The following NAMPT variants were observed in gnomAD, a reference collection of about 807,000 sequenced individuals.
NAMPT encodes nicotinamide phosphoribosyltransferase, also known as NAmPRTase.
NAMPT carries 7 observed loss-of-function variants against 58.7 expected under a neutral mutation model. That is an observed-to-expected ratio of 0.12 (90% CI 0.07 to 0.22). The LOEUF is 0.22. NAMPT is among the 10% of genes least tolerant of loss of function. The probability of loss-of-function intolerance (pLI) is 1.00; values close to 1 mark genes in which losing one functional copy is unlikely to be tolerated. For synonymous variants in NAMPT, 145 were observed against 198.1 expected (o/e 0.73, Z 2.25); for missense variants, 271 against 567.9 (o/e 0.48, Z 5.31).
At chr7:106,257,979 A>C (rs1410233976) in intron 8 of NAMPT, among the ~76,000 whole-genome samples, 1 of 152,268 alleles carries the variant, frequency 6.6e-6, no homozygotes, top group East Asian at 1.9e-4. Context: ...CACCAAGGTA[A>C]GAGACTGTCA....
rs202185590 is a variant in NAMPT at position 106,264,884 on chromosome 7, T to TG, written c.744-1268_744-1267insC. 2.4e-3 allele frequency among the ~76,000 whole-genome samples: 358 copies of TG among 146,850 alleles called. 3 individuals are homozygous for TG. The highest frequency in any genetic ancestry group is 0.022 in the East Asian group (114 of 5,074). On this transcript the variant is annotated intron_variant, in intron 6 of 10. Transcript: ENST00000222553. ...TCACTTTATACAATGTGTGTGTGTG[T>TG]TTTTTTTTTTAAAGGACTAGACTTA...
At chr7:106,253,897 A>T (rs900899403) in intron 9 of NAMPT, among the ~76,000 whole-genome samples, 8 of 152,130 alleles carry the variant, frequency 5.3e-5, no homozygotes, top group Non-Finnish European at 1.2e-4. Context: ...GTTACAAAGA[A>T]GCAAGGGGGG....
rs768801915 is a variant in NAMPT, at chr7:106,251,035, A to G, written c.*48T>C. The G allele has an allele frequency of 4.4e-6, 6 of 1,361,410 alleles. No homozygotes were observed. Among genetic ancestry groups the G allele is most frequent in the African/African-American group, 4.3e-5 (3 of 69,656 alleles). 84.3% of individuals were successfully genotyped at this position (1,361,410 alleles called of 1,614,324 possible). On this transcript the variant is annotated 3_prime_UTR_variant, in exon 11 of 11. Coordinates refer to ENST00000222553, the MANE Select transcript of NAMPT (RefSeq NM_005746.3). ...AACACAAACCCCACACATCTGTACA[A>G]TAAACATTATGTATTACATACACAC...
chr7:106,285,198 G>A, upstream of NAMPT: 1 of 1,021,094 alleles, frequency 9.8e-7, no homozygotes, highest in Non-Finnish European at 1.1e-6. Flanking sequence ...GCAGCGCGCT[G>A]CGCAGTGCGC....
chr7:106,261,530 A>C (rs534942063), intron 8 of NAMPT, 58 bp downstream of exon 8: 1 of 1,340,352 alleles, frequency 7.5e-7, no homozygotes, highest in Admixed American at 2.1e-5. Flanking sequence ...TTTATCAAAC[A>C]TAAACAAACT....
Position 106,253,168 on chromosome 7 carries a change from GAA to G in NAMPT, c.1231-19_1231-18del. On this transcript the variant is annotated intron_variant, in intron 9 of 10. Coordinates refer to ENST00000222553, the MANE Select transcript of NAMPT (RefSeq NM_005746.3). ...GACGTTAATCTGAAATCCAAATTAA[GAA>G]AGTTAGACAAGTAGAAGACTAATCA... is the stretch of plus-strand genomic sequence containing the variant. 6.2e-7 allele frequency: 1 copy of G among 1,609,256 alleles called. No homozygotes were observed. The highest frequency in any genetic ancestry group is 1.7e-5 in the Admixed American group (1 of 59,052).
At chr7:106,252,798 AC>A (rs1184500442) in intron 10 of NAMPT, among the ~76,000 whole-genome samples, 1 of 152,122 alleles carries the variant, frequency 6.6e-6, no homozygotes, top group Non-Finnish European at 1.5e-5. Flanking sequence ...CACTATACTT[AC>A]GTAATATTTC....
chr7:106,278,214 AT>A (rs1469859599), intron 1 of NAMPT, among the ~76,000 whole-genome samples: 1 of 151,632 alleles, frequency 6.6e-6, no homozygotes, highest in African/African-American at 2.4e-5. Context: ...ACTTGGCTCT[AT>A]CCTCAAGAAT....
chr7:106,285,126 C>G (rs541718072), upstream of NAMPT: 113 of 1,309,016 alleles, frequency 8.6e-5, no homozygotes, highest in Non-Finnish European at 1.0e-4. Context: ...GGCGGACTCC[C>G]CACCTCGGTT....
At chr7:106,269,133 A>C in intron 5 of NAMPT, 21 bp downstream of exon 5, 3 of 1,595,532 alleles carry the variant, frequency 1.9e-6, no homozygotes, top group Middle Eastern at 1.7e-4. Flanking sequence ...ATATTAAATG[A>C]GGTTGGTTTC....
chr7:106,268,080 G>A (rs1490957921), intron 6 of NAMPT, among the ~76,000 whole-genome samples: 3 of 151,766 alleles, frequency 2.0e-5, no homozygotes, highest in Non-Finnish European at 4.4e-5. Context: ...AATTTCTAGG[G>A]CAAATATAGA....
At position 106,251,076 on chromosome 7, in the gene NAMPT, A is replaced by C. The variant is rs762873863; in HGVS notation, c.*7T>G. The C allele has an allele frequency of 1.3e-6, 2 of 1,505,232 alleles. No individual in the cohort carries two copies. Among genetic ancestry groups the C allele is most frequent in the Non-Finnish European group, 1.8e-6 (2 of 1,081,268 alleles). The allele number at this position is 1,505,232 out of a possible 1,614,324, so 93.2% of individuals were successfully genotyped here. A position where few individuals can be genotyped will look rare whatever the true frequency, so the allele number is the denominator to read the frequency against. ...ACATACACACAACACACACCCAGTCATAAAGCCTAATGATGTGCTGCTTCC... is the reference window on the plus strand; with the variant it reads ...ACATACACACAACACACACCCAGTCCTAAAGCCTAATGATGTGCTGCTTCC... On this transcript the variant is annotated 3_prime_UTR_variant, in exon 11 of 11. Transcript: ENST00000222553.
intron 9 of NAMPT, 48 bp from the exon 10 acceptor site, chr7:106,253,199 G>C: frequency 6.3e-7 from 1 of 1,591,932 alleles, no homozygotes; most frequent in Middle Eastern, 1.7e-4. Context: ...CTAATCATCA[G>C]AAATGTCTAA....
intron 6 of NAMPT, among the ~76,000 whole-genome samples, chr7:106,266,695 A>C (rs1792418487): frequency 6.6e-6 from 1 of 152,166 alleles, no homozygotes; most frequent in African/African-American, 2.4e-5. Context: ...CATTACCTTA[A>C]GACTGCTGGA....
intron 1 of NAMPT, among the ~76,000 whole-genome samples, chr7:106,280,677 C>T (rs770078038): frequency 2.0e-5 from 3 of 152,166 alleles, no homozygotes; most frequent in Non-Finnish European, 2.9e-5. Flanking sequence ...CACGGTGGCT[C>T]ATGCCTGTAA....
intron 10 of NAMPT, among the ~76,000 whole-genome samples, chr7:106,252,715 C>T (rs1205879161): frequency 1.3e-5 from 2 of 152,058 alleles, no homozygotes; most frequent in Non-Finnish European, 2.9e-5. Flanking sequence ...AATCAAGTCA[C>T]CTTGTTTTCA....
chr7:106,270,410 CAAAT>C (rs1792510315), intron 4 of NAMPT: 1 of 232,974 alleles, frequency 4.3e-6, no homozygotes, highest in South Asian at 4.1e-5. Context: ...ATAAATAAAA[CAAAT>C]AAAAAGATTA....
intron 5 of NAMPT, 22 bp downstream of exon 5, chr7:106,269,132 G>A (rs777278512): frequency 1.0e-5 from 16 of 1,595,098 alleles, no homozygotes; most frequent in Non-Finnish European, 1.4e-5. Context: ...TATATTAAAT[G>A]AGGTTGGTTT....
intron 4 of NAMPT, among the ~76,000 whole-genome samples, chr7:106,269,634 T>C (rs930514337): frequency 1.3e-5 from 2 of 152,190 alleles, no homozygotes; most frequent in Admixed American, 6.5e-5. Context: ...TTTTAGAAAG[T>C]TTCATGATCT....
Sources: gnomAD v4.1 joint callset for allele counts (sites outside exome capture counted in the v4.1 genomes callset) on GRCh38, gnomAD v4.1.1 for gene constraint, MANE v1.5 for transcripts, NCBI Gene and HGNC (gene_info 2026-07-23, HGNC 2026-07-21) for gene names.